The following NXPE2 variants were observed in gnomAD, a reference collection of about 807,000 sequenced individuals.
The protein encoded by NXPE2 is neurexophilin and PC-esterase domain family member 2.
NXPE2 carries 34 observed loss-of-function variants against 34.4 expected under a neutral mutation model. The ratio of observed to expected loss-of-function variants is 0.99; its 90% CI spans 0.75 to 1.31. NXPE2 has a LOEUF of 1.31. Ranked by LOEUF, NXPE2 falls within the 40% of genes most tolerant of loss-of-function variation. NXPE2 has a pLI of 0.00. For missense variants in NXPE2, 649 were observed against 672.5 expected, an observed-to-expected ratio of 0.97 and a Z score of 0.39; for synonymous variants, 235 against 231.3, an observed-to-expected ratio of 1.02 and a Z score of -0.15.
intron 2 of NXPE2, among the ~76,000 whole-genome samples, chr11:114,680,090 T>G (rs1348644005): frequency 6.6e-6 from 1 of 152,174 alleles, no homozygotes; most frequent in Non-Finnish European, 1.5e-5. Context: ...CTAATTAAGT[T>G]TCTGTTTCAG....
the NXPE2 span, among the ~76,000 whole-genome samples, chr11:114,558,260 T>A: frequency 8.7e-4 from 133 of 152,298 alleles, no homozygotes; most frequent in African/African-American, 3.0e-3. Context: ...TTTTTCTTTT[T>A]ATTTCATTTT....
the NXPE2 span, among the ~76,000 whole-genome samples, chr11:114,803,570 G>GTCTCTC: frequency 0.028 from 4,105 of 144,982 alleles, 209 homozygotes; most frequent in African/African-American, 0.096. Context: ...ACTCCCTCAG[G>GTCTCTC]TCTCTCTCTC....
At chr11:114,586,212 T>G in the NXPE2 span, among the ~76,000 whole-genome samples, 2 of 152,178 alleles carry the variant, frequency 1.3e-5, no homozygotes, top group African/African-American at 4.8e-5. Context: ...AGAAGAGAGC[T>G]TTTCTCTTTC....
chr11:114,656,830 T>C, the NXPE2 span, among the ~76,000 whole-genome samples: 1 of 152,070 alleles, frequency 6.6e-6, no homozygotes, highest in Non-Finnish European at 1.5e-5. Context: ...ATCAAATTAC[T>C]GCCTGTAATC....
intron 3 of NXPE2, among the ~76,000 whole-genome samples, chr11:114,703,663 TA>T (rs1951409962): frequency 5.3e-5 from 1 of 18,890 alleles, no homozygotes; most frequent in South Asian, 1.3e-3. Context: ...CATAGATAGA[TA>T]GATAGATAGA....
the NXPE2 span, among the ~76,000 whole-genome samples, chr11:114,750,753 A>G: frequency 1.3e-5 from 2 of 152,190 alleles, no homozygotes; most frequent in African/African-American, 4.8e-5. Context: ...AACATGAATC[A>G]CAACCTTTGT....
chr11:114,684,054 G>T (rs1950997546), intron 2 of NXPE2, among the ~76,000 whole-genome samples: 1 of 152,126 alleles, frequency 6.6e-6, no homozygotes, highest in Non-Finnish European at 1.5e-5. Flanking sequence ...GAATAGTCTA[G>T]GTTTGAGGTC....
chr11:114,687,506 G>T (rs772303965), intron 2 of NXPE2, among the ~76,000 whole-genome samples: 1 of 151,982 alleles, frequency 6.6e-6, no homozygotes, highest in Non-Finnish European at 1.5e-5. Flanking sequence ...TGGTGTTTTG[G>T]TTACTGTAAC....
chr11:114,539,938 A>C, the NXPE2 span, among the ~76,000 whole-genome samples: 1 of 152,212 alleles, frequency 6.6e-6, no homozygotes, highest in Non-Finnish European at 1.5e-5. Context: ...TACATACTAA[A>C]GTTCCAAATG....
At chr11:114,628,870 A>G in the NXPE2 span, among the ~76,000 whole-genome samples, 5 of 152,018 alleles carry the variant, frequency 3.3e-5, no homozygotes, top group African/African-American at 1.2e-4. Flanking sequence ...AATACAAACT[A>G]CCATCAGAGA....
chr11:114,533,372 C>T, the NXPE2 span, among the ~76,000 whole-genome samples: 8 of 152,116 alleles, frequency 5.3e-5, no homozygotes, highest in African/African-American at 1.4e-4. Context: ...ATGCAGAAGA[C>T]GGGTGATTTC....
the NXPE2 span, among the ~76,000 whole-genome samples, chr11:114,713,005 C>T: frequency 6.6e-6 from 1 of 152,026 alleles, no homozygotes; most frequent in Non-Finnish European, 1.5e-5. Context: ...GGATATTATG[C>T]GAAGTGGAAG....
chr11:114,552,758 A>C, the NXPE2 span: 1 of 401,356 alleles, frequency 2.5e-6, no homozygotes, highest in Non-Finnish European at 3.4e-6. Flanking sequence ...ATTGAAAAAA[A>C]AGTATGATTG....
At chr11:114,637,288 C>G in the NXPE2 span, among the ~76,000 whole-genome samples, 1 of 151,606 alleles carries the variant, frequency 6.6e-6, no homozygotes, top group Non-Finnish European at 1.5e-5. Flanking sequence ...ATTGCAATCC[C>G]TGCATTTTTT....
At chr11:114,658,717 G>A in the NXPE2 span, among the ~76,000 whole-genome samples, 1 of 152,170 alleles carries the variant, frequency 6.6e-6, no homozygotes, top group African/African-American at 2.4e-5. Context: ...ACAGGAAACT[G>A]TCCTGGGCCC....
chr11:114,736,268 C>T, the NXPE2 span, among the ~76,000 whole-genome samples: 1 of 152,108 alleles, frequency 6.6e-6, no homozygotes, highest in African/African-American at 2.4e-5. Context: ...TTTCCTTGTC[C>T]TAACAAGCCT....
chr11:114,596,107 C>A, the NXPE2 span, among the ~76,000 whole-genome samples: 1 of 152,110 alleles, frequency 6.6e-6, no homozygotes, highest in Non-Finnish European at 1.5e-5. Flanking sequence ...TTCCATCTAG[C>A]GTTATCATCA....
At chr11:114,697,002 T>A (rs1282551728) in intron 2 of NXPE2, among the ~76,000 whole-genome samples, 2 of 152,220 alleles carry the variant, frequency 1.3e-5, no homozygotes, top group Non-Finnish European at 2.9e-5. Context: ...AGAACAATTA[T>A]AACAACATAC....
At chr11:114,662,574 G>T in the NXPE2 span, among the ~76,000 whole-genome samples, 1 of 152,138 alleles carries the variant, frequency 6.6e-6, no homozygotes, top group Non-Finnish European at 1.5e-5. Context: ...CGGTGGCTAA[G>T]GGAGTGCTGG....
Sources: gnomAD v4.1 joint callset for allele counts (sites outside exome capture counted in the v4.1 genomes callset) on GRCh38, gnomAD v4.1.1 for gene constraint, MANE v1.5 for transcripts, NCBI Gene and HGNC (gene_info 2026-07-23, HGNC 2026-07-21) for gene names.